GFRA1: variants seen among roughly 807,000 people sequenced by gnomAD.
GFRA1 encodes GDNF family receptor alpha-1.
GFRA1 carries 16 observed loss-of-function variants against 51.6 expected under a neutral mutation model. The ratio of observed to expected loss-of-function variants is 0.31; its 90% confidence interval spans 0.21 to 0.47. GFRA1 has a LOEUF of 0.47. Ranked by LOEUF, GFRA1 falls within the 20% of genes least tolerant of loss-of-function variation. The probability of loss-of-function intolerance (pLI) is 1.00; values close to 1 mark genes in which losing one functional copy is unlikely to be tolerated. For synonymous variants in GFRA1, 270 were observed against 241.3 expected, an observed-to-expected ratio of 1.12 and a Z score of -1.10; for missense variants, 530 against 594.3, an observed-to-expected ratio of 0.89 and a Z score of 1.13.
chr10:116,196,167 C>T (rs1391786537), intron 5 of GFRA1, among the ~76,000 whole-genome samples: 1 of 144,776 alleles, frequency 6.9e-6, no homozygotes, highest in Non-Finnish European at 1.5e-5. Context: ...AGGACTATTG[C>T]AACAAATTTA....
intron 9 of GFRA1, among the ~76,000 whole-genome samples, chr10:116,082,290 GA>G (rs748763777): frequency 4.7e-4 from 71 of 152,092 alleles, no homozygotes; most frequent in Non-Finnish European, 8.5e-4. Flanking sequence ...CGGAGAGATG[GA>G]ATTTGGATCA....
chr10:116,216,400 T>C, intron 4 of GFRA1, among the ~76,000 whole-genome samples: 1 of 152,208 alleles, frequency 6.6e-6, no homozygotes, highest in East Asian at 1.9e-4. Flanking sequence ...TGGATGGCAG[T>C]CTTATTGCCC....
intron 4 of GFRA1, among the ~76,000 whole-genome samples, chr10:116,258,832 C>T (rs1165910692): frequency 6.6e-6 from 1 of 152,202 alleles, no homozygotes; most frequent in African/African-American, 2.4e-5. Flanking sequence ...TAGCTCGCTG[C>T]AACTCACAGC....
At chr10:116,137,350 G>A (rs1241713807) in intron 5 of GFRA1, among the ~76,000 whole-genome samples, 1 of 152,092 alleles carries the variant, frequency 6.6e-6, no homozygotes, top group African/African-American at 2.4e-5. Flanking sequence ...CGGTTGTCAG[G>A]GCCCTCACAG....
intron 5 of GFRA1, among the ~76,000 whole-genome samples, chr10:116,131,686 G>A (rs139533678): frequency 1.1e-4 from 17 of 151,994 alleles, no homozygotes; most frequent in Admixed American, 3.3e-4. Context: ...TATATAGTTC[G>A]GGAATAGGCA....
At chr10:116,136,900 A>G (rs2134074666) in intron 5 of GFRA1, among the ~76,000 whole-genome samples, 1 of 152,292 alleles carries the variant, frequency 6.6e-6, no homozygotes, top group South Asian at 2.1e-4. Flanking sequence ...AGGAATGAAT[A>G]TATGTAAGGA....
intron 6 of GFRA1, among the ~76,000 whole-genome samples, chr10:116,124,771 A>G (rs1413501549): frequency 1.3e-5 from 2 of 152,150 alleles, no homozygotes; most frequent in Non-Finnish European, 2.9e-5. Context: ...AAGGCTGGAC[A>G]CTGCTCAGTC....
In GFRA1 at chr10:116,061,720, C is replaced by T. The variant is rs1954827836; in HGVS notation, c.*2678G>A. ...CCTGTCTTCAGTGGCACCCCAAATG[C>T]CCGGACTGAAGGACAGGAAGTAGCG... On this transcript the variant is annotated 3_prime_UTR_variant, in exon 11 of 11. Coordinates refer to ENST00000355422, the MANE Select transcript of GFRA1 (RefSeq NM_005264.8). The T allele has an allele frequency of 3.1e-6, 1 of 318,058 alleles. No homozygotes were observed. The highest frequency in any genetic ancestry group is 5.0e-5 in the Admixed American group (1 of 20,080). The allele number at this position is 318,058 out of a possible 1,614,324, so 19.7% of individuals were successfully genotyped here.
At chr10:116,170,653 T>C (rs906284621) in intron 5 of GFRA1, among the ~76,000 whole-genome samples, 7 of 152,218 alleles carry the variant, frequency 4.6e-5, no homozygotes, top group African/African-American at 1.7e-4. Flanking sequence ...AATTAAAAAC[T>C]CAGGGAAGCT....
At chr10:116,180,277 G>A (rs1251898760) in intron 5 of GFRA1, among the ~76,000 whole-genome samples, 2 of 152,068 alleles carry the variant, frequency 1.3e-5, no homozygotes, top group South Asian at 2.1e-4. Context: ...GTGGCACACT[G>A]GACAGAAAAC....
At chr10:116,238,515 A>G (rs894822551) in intron 4 of GFRA1, among the ~76,000 whole-genome samples, 10 of 152,220 alleles carry the variant, frequency 6.6e-5, no homozygotes, top group Admixed American at 2.6e-4. Context: ...TGTTCCATAT[A>G]TATGGAATTT....
intron 5 of GFRA1, among the ~76,000 whole-genome samples, chr10:116,164,783 C>T (rs558480400): frequency 3.9e-5 from 6 of 152,246 alleles, no homozygotes; most frequent in South Asian, 2.1e-4. Context: ...TTGCCTTTAG[C>T]GGAGTTTGAG....
chr10:116,081,339 C>T (rs1210622852), intron 9 of GFRA1, among the ~76,000 whole-genome samples: 7 of 152,164 alleles, frequency 4.6e-5, no homozygotes. Context: ...GAATAGGCAT[C>T]ATTACTTTTC....
At chr10:116,091,320 C>T (rs1221430107) in intron 8 of GFRA1, among the ~76,000 whole-genome samples, 1 of 152,180 alleles carries the variant, frequency 6.6e-6, no homozygotes, top group African/African-American at 2.4e-5. Flanking sequence ...GATAAAAGTC[C>T]ATGCCCTCAT....
Position 116,251,882 on chromosome 10 carries a change from G to A in GFRA1, c.418+17621C>T, listed in dbSNP as rs189195438. Among the ~76,000 whole-genome samples, 40 of 152,006 alleles carry A rather than the reference G, an allele frequency of 2.6e-4. No individual in the cohort carries two copies. In the East Asian group the frequency reaches 6.8e-3, roughly 26 times the overall value. ...AGTAAGGGCAGAGGAGCAGAAATGG[G>A]CAGGAGGGAGGGCAAAAGAGGCTTT... is the stretch of plus-strand genomic sequence containing the variant. On this transcript the variant is annotated intron_variant, in intron 4 of 10. Transcript: ENST00000355422.
chr10:116,117,560 GATGGATGGATGGATGGATGGA>G (rs1957469919), intron 6 of GFRA1, among the ~76,000 whole-genome samples: 1 of 138,802 alleles, frequency 7.2e-6, no homozygotes, highest in Non-Finnish European at 1.6e-5. Flanking sequence ...TGGGTGTGTG[GATGGATGGATGGATGGATGGA>G]TGGATGGATG....
At chr10:116,250,666 T>C (rs910359780) in intron 4 of GFRA1, among the ~76,000 whole-genome samples, 12 of 152,272 alleles carry the variant, frequency 7.9e-5, no homozygotes, top group East Asian at 3.9e-4. Context: ...CTCAGAATTC[T>C]AGGATAGTGA....
chr10:116,245,434 G>T (rs1967786574), intron 4 of GFRA1, among the ~76,000 whole-genome samples: 2 of 152,194 alleles, frequency 1.3e-5, no homozygotes, highest in Admixed American at 6.5e-5. Context: ...ACCACCAAAT[G>T]CTGATGAGGG....
chr10:116,223,567 T>C (rs925751406), intron 4 of GFRA1, among the ~76,000 whole-genome samples: 1 of 152,160 alleles, frequency 6.6e-6, no homozygotes, highest in African/African-American at 2.4e-5. Flanking sequence ...CTCCTCTACA[T>C]TGAAGCCAAG....
Sources: gnomAD v4.1 joint callset for allele counts (sites outside exome capture counted in the v4.1 genomes callset) on GRCh38, gnomAD v4.1.1 for gene constraint, MANE v1.5 for transcripts, NCBI Gene and HGNC (gene_info 2026-07-23, HGNC 2026-07-21) for gene names.